The following RPE variants were observed in gnomAD, a reference collection of about 807,000 sequenced individuals.
RPE encodes the protein ribulose-5-phosphate-3-epimerase.
In RPE, 16 loss-of-function variants were observed where a neutral mutation model predicts 24.6. The ratio of observed to expected loss-of-function variants is 0.65; its 90% CI spans 0.44 to 0.99. The LOEUF (loss-of-function observed/expected upper bound fraction) is 0.99, where lower values mean the gene tolerates loss of function less well. Ranked by LOEUF, RPE falls within the 50% of genes least tolerant of loss-of-function variation. The probability of loss-of-function intolerance (pLI) is 0.00; values close to 1 mark genes in which losing one functional copy is unlikely to be tolerated. For missense variants in RPE, 240 were observed against 294.5 expected, an observed-to-expected ratio of 0.81 and a Z score of 1.35; for synonymous variants, 93 against 98.4, an observed-to-expected ratio of 0.94 and a Z score of 0.33.
intron 5 of RPE, 127 bp downstream of exon 5, chr2:210,017,686 T>G: frequency 1.2e-6 from 1 of 821,898 alleles, no homozygotes; most frequent in Non-Finnish European, 2.0e-6. Context: ...AAAGTATTTT[T>G]TGTTCACATG....
intron 5 of RPE, among the ~76,000 whole-genome samples, chr2:210,019,378 T>C (rs1344583261): frequency 6.6e-6 from 1 of 152,210 alleles, no homozygotes; most frequent in Non-Finnish European, 1.5e-5. Context: ...GTAAAGGCTT[T>C]TAAACCTTAT....
chr2:210,009,865 C>T, intron 2 of RPE, 129 bp downstream of exon 2: 1 of 1,233,812 alleles, frequency 8.1e-7, no homozygotes, highest in South Asian at 1.3e-5. Context: ...TCTTCATTGG[C>T]CTGACTCCAG....
intron 2 of RPE, among the ~76,000 whole-genome samples, chr2:210,013,613 T>A (rs1361537245): frequency 6.6e-6 from 1 of 152,138 alleles, no homozygotes; most frequent in East Asian, 1.9e-4. Context: ...AAAAATTACA[T>A]GCTTTAAAAT....
At chr2:210,010,564 T>C (rs1052341965) in intron 2 of RPE, among the ~76,000 whole-genome samples, 1 of 152,154 alleles carries the variant, frequency 6.6e-6, no homozygotes, top group African/African-American at 2.4e-5. Context: ...AGCCTAGCCA[T>C]AAATAGTTTT....
rs1362993702 is a variant in RPE, at chr2:210,020,041, A to C, written c.*250A>C. 1 of 309,510 alleles carries C rather than the reference A, an allele frequency of 3.2e-6. No individual in the cohort carries two copies. Among genetic ancestry groups the C allele is most frequent in the Middle Eastern group, 1.1e-3 (1 of 946 alleles). The allele number at this position is 309,510 out of a possible 1,614,324, so 19.2% of individuals were successfully genotyped here. On this transcript the variant is annotated 3_prime_UTR_variant, in exon 6 of 6. Coordinates refer to ENST00000359429, the MANE Select transcript of RPE (RefSeq NM_199229.3). ...GTTTTTATTGAGAGATTTGATTTTT[A>C]TAAAGTAAAAATACGGCTGCATTAG...
Position 210,019,761 on chromosome 2 carries a change from A to G in RPE, c.657A>G (p.Glu219=). The change falls in exon 6 of 6, where the codon GAA becomes GAG. Residue 219 remains glutamate (E), a synonymous_variant. Transcript: ENST00000359429. Reference sequence around the variant, plus strand: ...ATCTATTAAGAAATGTTTGCTCAGAAGCTGCTCAGAAACGTTCTCTTGATC... The same window carrying G: ...ATCTATTAAGAAATGTTTGCTCAGAGGCTGCTCAGAAACGTTCTCTTGATC... ...VINLLRNVCS[E]AAQKRSLDR is the part of the protein sequence containing the mutation. 4 of 1,613,288 alleles carry G rather than the reference A, an allele frequency of 2.5e-6. No individual in the cohort carries two copies. The highest frequency in any genetic ancestry group is 3.4e-6 in the Non-Finnish European group (4 of 1,179,438).
intron 1 of RPE, among the ~76,000 whole-genome samples, chr2:210,006,133 G>A (rs2093627732): frequency 1.3e-5 from 2 of 152,172 alleles, no homozygotes; most frequent in South Asian, 4.1e-4. Context: ...AGGAAAAAGA[G>A]GCAGAATAAG....
chr2:210,016,151 C>T (rs1341780035), intron 3 of RPE, 39 bp downstream of exon 3: 1 of 1,614,106 alleles, frequency 6.2e-7, no homozygotes. Flanking sequence ...AACATTCACT[C>T]TCAGTTGGGA....
intron 2 of RPE, among the ~76,000 whole-genome samples, chr2:210,009,948 C>T (rs990108931): frequency 6.6e-6 from 1 of 152,186 alleles, no homozygotes; most frequent in African/African-American, 2.4e-5. Context: ...TGGCTGGCTG[C>T]CTCATCTTTG....
chr2:210,015,970 T>C lies in RPE; in HGVS notation c.203-3T>C. The C allele has an allele frequency of 6.2e-7, 1 of 1,612,982 alleles. No individual in the cohort carries two copies. Among genetic ancestry groups the C allele is most frequent in the Non-Finnish European group, 8.5e-7 (1 of 1,179,706 alleles). On this transcript the variant is annotated splice_region_variant and splice_polypyrimidine_tract_variant and intron_variant, in intron 2 of 5. Transcript: ENST00000359429. ...AATATTTTGAAGTGTCTTTTCTTTC[T>C]AGACATGCACATGATGGTGTCCAAG...
At chr2:210,010,086 TTTA>T (rs1178750071) in intron 2 of RPE, among the ~76,000 whole-genome samples, 1 of 152,230 alleles carries the variant, frequency 6.6e-6, no homozygotes, top group East Asian at 1.9e-4. Flanking sequence ...TGCGATTACT[TTTA>T]TTAGACTATA....
intron 2 of RPE, among the ~76,000 whole-genome samples, chr2:210,012,078 G>GT (rs1239464383): frequency 1.3e-5 from 2 of 152,084 alleles, no homozygotes; most frequent in African/African-American, 4.8e-5. Context: ...TAGATTACAT[G>GT]TTGTGTTGTA....
intron 2 of RPE, 41 bp from the exon 3 acceptor site, chr2:210,015,932 G>A (rs753597055): frequency 8.1e-6 from 13 of 1,603,456 alleles, no homozygotes; most frequent in Non-Finnish European, 1.1e-5. Context: ...ACATGAGCCA[G>A]GTATTTTTCA....
In RPE at chr2:210,019,930, T is replaced by G. The variant is rs1456812421; in HGVS notation, c.*139T>G. ...ATTCATTCCAGTGATTAAAACTGATTGTGCAGAATATTCTAAGAGGTCAGA... is the reference window on the plus strand; with the variant it reads ...ATTCATTCCAGTGATTAAAACTGATGGTGCAGAATATTCTAAGAGGTCAGA... On this transcript the variant is annotated 3_prime_UTR_variant, in exon 6 of 6. Coordinates refer to ENST00000359429, the MANE Select transcript of RPE (RefSeq NM_199229.3). 4 of 1,159,254 alleles carry G rather than the reference T, an allele frequency of 3.5e-6. No homozygotes were observed. Among genetic ancestry groups the G allele is most frequent in the Non-Finnish European group, 4.7e-6 (4 of 850,708 alleles). The allele number at this position is 1,159,254 out of a possible 1,614,324, so 71.8% of individuals were successfully genotyped here.
At chr2:210,016,422 A>G (rs931866270) in intron 3 of RPE, 85 bp from the exon 4 acceptor site, 25 of 1,590,696 alleles carry the variant, frequency 1.6e-5, no homozygotes, top group Non-Finnish European at 2.1e-5. Context: ...ATAAGAACAG[A>G]TATTTCTACT....
At position 210,017,896 on chromosome 2, in the gene RPE, C is replaced by T. The variant is rs1204121169; in HGVS notation, c.564+337C>T. 26 of 547,574 alleles carry T rather than the reference C, an allele frequency of 4.7e-5. No individual in the cohort carries two copies. The East Asian group carries it at 8.5e-4, about 18-fold the overall frequency. 33.9% of individuals were successfully genotyped at this position (547,574 alleles called of 1,614,324 possible). A position where few individuals can be genotyped will look rare whatever the true frequency, so the allele number is the denominator to read the frequency against. ...AGTAGCTGGGATTACAGGTACCTGC[C>T]ACCATGCTTGGCTAATTTTTTTATT... On this transcript the variant is annotated intron_variant, in intron 5 of 5. Coordinates refer to ENST00000359429, the MANE Select transcript of RPE (RefSeq NM_199229.3).
At chr2:210,018,467 C>G (rs2093810457) in intron 5 of RPE, 2 of 984,684 alleles carry the variant, frequency 2.0e-6, no homozygotes, top group African/African-American at 3.5e-5. Flanking sequence ...TCTGGTAGCA[C>G]TGCAAGTGAT....
chr2:210,005,418 G>A (rs542177036), intron 1 of RPE, among the ~76,000 whole-genome samples: 1 of 152,140 alleles, frequency 6.6e-6, no homozygotes, highest in Admixed American at 6.5e-5. Flanking sequence ...GGAAGGTGGA[G>A]CACTAGCATG....
At chr2:210,008,729 T>A (rs2093663753) in intron 1 of RPE, among the ~76,000 whole-genome samples, 1 of 152,132 alleles carries the variant, frequency 6.6e-6, no homozygotes, top group Admixed American at 6.5e-5. Context: ...TAAGTCTCGC[T>A]TTGTCGCCCA....
Sources: gnomAD v4.1 joint callset for allele counts (sites outside exome capture counted in the v4.1 genomes callset) on GRCh38, gnomAD v4.1.1 for gene constraint, MANE v1.5 for transcripts, NCBI Gene and HGNC (gene_info 2026-07-23, HGNC 2026-07-21) for gene names.